NLRP2: variants seen among roughly 807,000 people sequenced by gnomAD.
NLRP2 encodes NACHT, LRR and PYD domains-containing protein 2.
In NLRP2, 107 loss-of-function variants were observed where a neutral mutation model predicts 97.2. The ratio of observed to expected loss-of-function variants is 1.10; its 90% CI spans 0.94 to 1.29. The LOEUF is 1.29. Among genes scored for constraint, NLRP2 ranks in the 50% most tolerant of loss-of-function variants. The probability of loss-of-function intolerance (pLI) is 0.00; values close to 1 mark genes in which losing one functional copy is unlikely to be tolerated. For missense variants in NLRP2, 1,495 were observed against 1,330.3 expected (o/e 1.12, Z -1.93); for synonymous variants, 663 against 551.5 (o/e 1.20, Z -2.83).
At chr19:54,971,577 G>A (rs931967932) in intron 2 of NLRP2, among the ~76,000 whole-genome samples, 1 of 151,404 alleles carries the variant, frequency 6.6e-6, no homozygotes, top group African/African-American at 2.4e-5. Flanking sequence ...GGCCAGTGAT[G>A]ATGAGCATTT....
chr19:54,974,990 G>T (rs377254531), intron 3 of NLRP2, among the ~76,000 whole-genome samples: 1 of 151,732 alleles, frequency 6.6e-6, no homozygotes, highest in Admixed American at 6.6e-5. Context: ...TTGTAGAGAT[G>T]GGGTTTCACC....
In NLRP2 at chr19:55,000,970, C is replaced by T. The variant is rs1469723850; in HGVS notation, c.*72C>T. On this transcript the variant is annotated 3_prime_UTR_variant, in exon 13 of 13. Transcript: ENST00000448584. Reference sequence around the variant, plus strand: ...TGTTGGTGAACTGCCTGTGACTCCTCTCCTCCCCGGCCCCTACCCCTCAGG... The same window carrying T: ...TGTTGGTGAACTGCCTGTGACTCCTTTCCTCCCCGGCCCCTACCCCTCAGG... 1.4e-6 allele frequency: 2 copies of T among 1,395,832 alleles called. No homozygotes were observed. Among genetic ancestry groups the T allele is most frequent in the East Asian group, 2.3e-5 (1 of 43,994 alleles). The allele number at this position is 1,395,832 out of a possible 1,614,324, so 86.5% of individuals were successfully genotyped here.
rs779958010 is a variant in NLRP2 at position 54,974,530 on chromosome 19, A to T, written c.311A>T (p.Lys104Met). 2.5e-6 allele frequency: 4 copies of T among 1,607,492 alleles called. No individual in the cohort carries two copies. The highest frequency in any genetic ancestry group is 1.3e-5 in the African/African-American group (1 of 74,952). Residue 104 changes from lysine (K) to methionine (M), a missense_variant, in exon 3 of 13, where the codon AAG (lysine) becomes ATG (methionine). By Grantham distance (95) the Lys-to-Met change is moderately conservative. Coordinates refer to ENST00000448584, the MANE Select transcript of NLRP2 (RefSeq NM_017852.5). ...EAALKSFNKR[K>M]PLSLGITRKE... Reference sequence around the variant, plus strand: ...GCTTTGAAATCCTTTAATAAAAGGAAGCCTCTATCATTAGGTAAGTTACCT... The same window carrying T: ...GCTTTGAAATCCTTTAATAAAAGGATGCCTCTATCATTAGGTAAGTTACCT...
chr19:54,989,189 C>T (rs892156401), intron 8 of NLRP2, among the ~76,000 whole-genome samples: 13 of 151,934 alleles, frequency 8.6e-5, no homozygotes, highest in African/African-American at 3.1e-4. Flanking sequence ...AACTCCTGAC[C>T]TCCTGATCTG....
intron 12 of NLRP2, among the ~76,000 whole-genome samples, chr19:55,000,270 CTTTTTTTTTTTTTTTTTTTTTTTT>C (rs1157138794): frequency 3.6e-4 from 13 of 36,026 alleles, no homozygotes; most frequent in East Asian, 1.5e-3. Context: ...GAGAGACTGT[CTTTTTTTTTTTTTTTTTTTTTTTT>C]TTTTTTTTTT....
intron 2 of NLRP2, 94 bp from the exon 3 acceptor site, chr19:54,974,406 A>T: frequency 1.1e-6 from 1 of 896,902 alleles, no homozygotes; most frequent in South Asian, 1.3e-5. Context: ...GGAACAAGTG[A>T]TCCAGTTCTA....
At chr19:54,975,136 T>G (rs1049099265) in intron 3 of NLRP2, among the ~76,000 whole-genome samples, 2 of 49,200 alleles carry the variant, frequency 4.1e-5, no homozygotes, top group African/African-American at 1.1e-4. Flanking sequence ...TTTTTTTTTT[T>G]TTTTTTTGAA....
At chr19:54,979,471 C>G (rs2071438049) in intron 4 of NLRP2, among the ~76,000 whole-genome samples, 1 of 151,950 alleles carries the variant, frequency 6.6e-6, no homozygotes, top group Admixed American at 6.6e-5. Context: ...TCCCGAGTAG[C>G]TGGGATCATA....
chr19:54,995,710 C>T (rs190215133), intron 11 of NLRP2, among the ~76,000 whole-genome samples: 35 of 152,192 alleles, frequency 2.3e-4, no homozygotes, highest in Admixed American at 1.1e-3. Context: ...ATCAGATGCA[C>T]TTGAACCTGG....
Position 54,983,276 on chromosome 19 carries a change from C to T in NLRP2, c.1578C>T (p.Asp526=), listed in dbSNP as rs756088770. 2.7e-5 allele frequency: 43 copies of T among 1,613,938 alleles called. No homozygotes were observed. In the East Asian group the frequency reaches 7.1e-4, roughly 27 times the overall value. The change falls in exon 6 of 13, where the codon GAC becomes GAT. Residue 526 remains aspartate, a synonymous_variant. Transcript: ENST00000448584. ...TLEKEEEEDR[D]GHTWDIGDVQ... is the part of the protein sequence containing the mutation. The stretch of plus-strand genomic sequence containing the variant: ...AGAAGGAGGAGGAAGAGGATAGGGA[C>T]GGCCACACCTGGGACATTGGGGACG...
Position 54,986,324 on chromosome 19 carries a change from C to T in NLRP2, c.2366+9C>T, listed in dbSNP as rs1195408632. The T allele has an allele frequency of 6.2e-7, 1 of 1,610,604 alleles. No homozygotes were observed. On this transcript the variant is annotated intron_variant, in intron 8 of 12. Coordinates refer to ENST00000448584, the MANE Select transcript of NLRP2 (RefSeq NM_017852.5). ...AACCTGCGATATCTCGGGTATATCT[C>T]TTAATCATTAAAATCCTTCATCATA...
rs1277670847 is a variant in NLRP2 at position 54,982,890 on chromosome 19, C to G, written c.1192C>G (p.Pro398Ala). The G allele has an allele frequency of 1.2e-6, 2 of 1,613,102 alleles. No individual in the cohort carries two copies. Among genetic ancestry groups the G allele is most frequent in the Non-Finnish European group, 1.7e-6 (2 of 1,179,988 alleles). The change falls in exon 6 of 13, where the codon CCC becomes GCC. Residue 398 changes from proline to alanine, a missense_variant. By Grantham distance (27) the Pro-to-Ala change is conservative (BLOSUM62 -1). Coordinates refer to ENST00000448584, the MANE Select transcript of NLRP2 (RefSeq NM_017852.5). ...NAALFQLGSAPAVCWIVCTTL... is the reference protein window; with the variant it reads ...NAALFQLGSAAAVCWIVCTTL... ...GGCCCTGTTCCAGCTGGGCTCGGCC[C>G]CCGCGGTGTGCTGGATCGTGTGCAC...
chr19:55,000,776 T>C lies in NLRP2; in HGVS notation c.3067T>C (p.Phe1023Leu), dbSNP rs1164552934. 6.2e-7 allele frequency: 1 copy of C among 1,613,700 alleles called. No homozygotes were observed. The highest frequency in any genetic ancestry group is 1.3e-5 in the African/African-American group (1 of 75,002). ...GTACCCCAGGTTGAAAATCGATGAC[T>C]TTAATGATGAACTCAATAAGCTGCT... ...LRTLRLKIDD[F>L]NDELNKLLEE... The change falls in exon 13 of 13, where the codon TTT (phenylalanine) becomes CTT (leucine). Residue 1023 changes from phenylalanine (F) to leucine (L), a missense_variant. Transcript: ENST00000448584.
intron 3 of NLRP2, among the ~76,000 whole-genome samples, chr19:54,975,070 G>A (rs1285756614): frequency 6.9e-6 from 1 of 144,624 alleles, no homozygotes; most frequent in Admixed American, 7.2e-5. Context: ...CAAAATGCTG[G>A]GATTATGGGC....
At position 54,983,666 on chromosome 19, in the gene NLRP2, G is replaced by A. The variant is rs1379529172; in HGVS notation, c.1968G>A (p.Gln656=). The A allele has an allele frequency of 1.2e-6, 2 of 1,613,910 alleles. No individual in the cohort carries two copies. The highest frequency in any genetic ancestry group is 2.7e-5 in the African/African-American group (2 of 74,918). ...GAAACCTGCAGAAAATGTCACTGCA[G>A]GTAATAAAGGAGAATCTCCCGGAGA... is the stretch of plus-strand genomic sequence containing the variant. ...HCRNLQKMSL[Q]VIKENLPENV... Residue 656 remains glutamine, a synonymous_variant, in exon 6 of 13, where the codon CAG becomes CAA. Coordinates refer to ENST00000448584, the MANE Select transcript of NLRP2 (RefSeq NM_017852.5).
chr19:54,978,233 A>ATTT, intron 4 of NLRP2, among the ~76,000 whole-genome samples: 1 of 101,142 alleles, frequency 9.9e-6, no homozygotes. Context: ...ACACCCAGCT[A>ATTT]ATTTTTTTTT....
intron 2 of NLRP2, among the ~76,000 whole-genome samples, chr19:54,972,647 G>A (rs553024873): frequency 4.7e-4 from 72 of 152,026 alleles, no homozygotes; most frequent in African/African-American, 1.6e-3. Flanking sequence ...TGTAGAGATA[G>A]GGTTTCACCA....
At chr19:54,983,849 T>A in intron 6 of NLRP2, 121 bp downstream of exon 6, 1 of 1,381,476 alleles carries the variant, frequency 7.2e-7, no homozygotes, top group Non-Finnish European at 1.0e-6. Flanking sequence ...CTTGTTGGAC[T>A]CTTTGTTTGT....
In NLRP2 at chr19:55,000,270, C is replaced by CTTTTTTTTTTTTTTTTTT. The variant is rs1157138794; in HGVS notation, c.3051-468_3051-451dup. Among the ~76,000 whole-genome samples, 8 of 36,026 alleles carry CTTTTTTTTTTTTTTTTTT rather than the reference C, an allele frequency of 2.2e-4. 2 individuals are homozygous for CTTTTTTTTTTTTTTTTTT. The highest frequency in any genetic ancestry group is 2.9e-4 in the Non-Finnish European group (6 of 20,646). The allele number at this position is 36,026 out of a possible 152,430, so 23.6% of individuals were successfully genotyped here. On this transcript the variant is annotated intron_variant, in intron 12 of 12. Coordinates refer to ENST00000448584, the MANE Select transcript of NLRP2 (RefSeq NM_017852.5). ...CCAGCTTGGGCAACAGAGAGACTGT[C>CTTTTTTTTTTTTTTTTTT]TTTTTTTTTTTTTTTTTTTTTTTTT...
Sources: gnomAD v4.1 joint callset for allele counts (sites outside exome capture counted in the v4.1 genomes callset) on GRCh38, gnomAD v4.1.1 for gene constraint, MANE v1.5 for transcripts, NCBI Gene and HGNC (gene_info 2026-07-23, HGNC 2026-07-21) for gene names.